LHX4: variants seen among roughly 807,000 people sequenced by gnomAD.
LHX4 encodes LIM homeobox 4, also known as LIM/homeobox protein Lhx4.
LHX4 carries 16 observed loss-of-function variants against 39.2 expected under a neutral mutation model. That is an observed-to-expected ratio of 0.41 (90% CI 0.28 to 0.62). The LOEUF (loss-of-function observed/expected upper bound fraction) is 0.62, where lower values mean the gene tolerates loss of function less well. Ranked by LOEUF, LHX4 falls within the 20% of genes least tolerant of loss-of-function variation. The probability of loss-of-function intolerance (pLI) is 0.33; values close to 1 mark genes in which losing one functional copy is unlikely to be tolerated. For synonymous variants in LHX4, 206 were observed against 198.1 expected (o/e 1.04, Z -0.33); for missense variants, 439 against 511.9 (o/e 0.86, Z 1.37).
Position 180,230,771 on chromosome 1 carries a change from C to T in LHX4, c.76+166C>T, listed in dbSNP as rs1037332041. On this transcript the variant is annotated intron_variant, in intron 1 of 5. Transcript: ENST00000263726. The surrounding 1 kb of genome is among the most constrained non-coding windows in gnomAD (Gnocchi z 5.8). The stretch of plus-strand genomic sequence containing the variant: ...CCAGCCAGAGTGCGTTTGAGGGGGC[C>T]AGGCTCTTGGCTGTTTGGGGCCGAA... 1.3e-5 allele frequency among the ~76,000 whole-genome samples: 2 copies of T among 152,174 alleles called. No individual in the cohort carries two copies. The highest frequency in any genetic ancestry group is 2.4e-5 in the African/African-American group (1 of 41,450).
chr1:180,242,946 T>C (rs1257685262), intron 1 of LHX4, among the ~76,000 whole-genome samples: 3 of 152,178 alleles, frequency 2.0e-5, no homozygotes, highest in African/African-American at 4.8e-5. Flanking sequence ...ACATTGAGCT[T>C]ATTGGGGATT....
chr1:180,247,849 A>C (rs1329549746), intron 1 of LHX4, among the ~76,000 whole-genome samples: 1 of 152,140 alleles, frequency 6.6e-6, no homozygotes, highest in East Asian at 1.9e-4. Context: ...AGGCCTGGGC[A>C]GGGCTCACTT....
intron 2 of LHX4, among the ~76,000 whole-genome samples, chr1:180,259,700 G>A (rs983850133): frequency 1.8e-4 from 27 of 151,820 alleles, no homozygotes; most frequent in East Asian, 5.8e-4. Context: ...TGGGGCAGGC[G>A]CAGGGCGGAG....
In LHX4 at chr1:180,258,829, T is replaced by C. The variant is rs373329928; in HGVS notation, c.249-7563T>C. 1.1e-3 allele frequency among the ~76,000 whole-genome samples: 161 copies of C among 151,170 alleles called. 1 individual carries two copies. The highest frequency in any genetic ancestry group is 7.0e-3 in the Middle Eastern group (2 of 284). On this transcript the variant is annotated intron_variant, in intron 2 of 5. Transcript: ENST00000263726. Reference sequence around the variant, plus strand: ...CAAATAATAATAGTAATAATAATGATAGTAATAATAATTATTATTATTCTG... The same window carrying C: ...CAAATAATAATAGTAATAATAATGACAGTAATAATAATTATTATTATTCTG...
upstream of LHX4, among the ~76,000 whole-genome samples, chr1:180,228,821 C>T (rs1191512379): frequency 2.6e-5 from 4 of 152,164 alleles, no homozygotes; most frequent in Non-Finnish European, 5.9e-5. Flanking sequence ...GAGATGACAC[C>T]AGGGGAAACA....
At chr1:180,245,998 G>A (rs1647367368) in intron 1 of LHX4, among the ~76,000 whole-genome samples, 1 of 151,652 alleles carries the variant, frequency 6.6e-6, no homozygotes, top group African/African-American at 2.4e-5. Context: ...GAGGAAAACT[G>A]TGGAGATAGA....
chr1:180,263,409 C>T (rs1648184294), intron 2 of LHX4, among the ~76,000 whole-genome samples: 1 of 152,152 alleles, frequency 6.6e-6, no homozygotes, highest in South Asian at 2.1e-4. Flanking sequence ...GCCCTGTATT[C>T]TAGATACACT....
At chr1:180,271,271 G>GC in intron 3 of LHX4, 109 bp from the exon 4 acceptor site, 1 of 1,268,888 alleles carries the variant, frequency 7.9e-7, no homozygotes, top group Non-Finnish European at 1.2e-6. Flanking sequence ...GCGCTGTCCT[G>GC]CCTACAGCAG....
chr1:180,247,254 C>T (rs1331539781), intron 1 of LHX4, among the ~76,000 whole-genome samples: 2 of 152,176 alleles, frequency 1.3e-5, no homozygotes, highest in Non-Finnish European at 2.9e-5. Flanking sequence ...GATAGGAAGT[C>T]ACCCAGGACA....
intron 2 of LHX4, among the ~76,000 whole-genome samples, chr1:180,260,608 C>T (rs1648074371): frequency 6.6e-6 from 1 of 151,926 alleles, no homozygotes; most frequent in South Asian, 2.1e-4. Context: ...CAGCTCTTCT[C>T]TGCCCACACC....
In LHX4 at chr1:180,230,518, T is replaced by C; in HGVS notation, c.-12T>C. 2 of 1,612,556 alleles carry C rather than the reference T, an allele frequency of 1.2e-6. No individual in the cohort carries two copies. The highest frequency in any genetic ancestry group is 1.1e-5 in the South Asian group (1 of 90,900). On this transcript the variant is annotated 5_prime_UTR_variant, in exon 1 of 6. Coordinates refer to ENST00000263726, the MANE Select transcript of LHX4 (RefSeq NM_033343.4). The surrounding 1 kb of genome is among the most constrained non-coding windows in gnomAD (Gnocchi z 5.8). ...TCTCCGTAGACTGCGACTCGCTGGC[T>C]TTCGCTCCGAGATGATGCAGAGTGC... is the stretch of plus-strand genomic sequence containing the variant.
intron 1 of LHX4, among the ~76,000 whole-genome samples, chr1:180,233,033 G>C (rs1342253094): frequency 6.6e-6 from 1 of 152,220 alleles, no homozygotes; most frequent in Admixed American, 6.5e-5. Flanking sequence ...TGGGGACGCA[G>C]GTCTAGGTGT....
chr1:180,271,744 G>C, intron 4 of LHX4, 91 bp from the exon 5 acceptor site: 3 of 1,468,648 alleles, frequency 2.0e-6, no homozygotes, highest in Non-Finnish European at 2.9e-6. Flanking sequence ...TCAGGCTTCA[G>C]TCTGCTTCCA....
intron 4 of LHX4, 59 bp downstream of exon 4, chr1:180,271,593 G>C: frequency 6.3e-7 from 1 of 1,596,672 alleles, no homozygotes. Flanking sequence ...AGGGGTGGAA[G>C]GTATCCTGAG....
At chr1:180,255,325 T>C (rs189217945) in intron 2 of LHX4, among the ~76,000 whole-genome samples, 163 of 152,272 alleles carry the variant, frequency 1.1e-3, no homozygotes, top group Middle Eastern at 6.8e-3. Context: ...TGATCGTGCG[T>C]ACACACACAC....
At chr1:180,229,119 C>T (rs1300743564), upstream of LHX4, among the ~76,000 whole-genome samples, 2 of 152,222 alleles carry the variant, frequency 1.3e-5, no homozygotes, top group African/African-American at 2.4e-5. Flanking sequence ...TTGTTTTAAG[C>T]GTTTCTCTAC....
At chr1:180,229,893 G>A (rs1472878626), upstream of LHX4, among the ~76,000 whole-genome samples, 4 of 148,666 alleles carry the variant, frequency 2.7e-5, no homozygotes, top group African/African-American at 1.0e-4. Context: ...TGCCGCGGCA[G>A]GCCATCAGCA....
chr1:180,264,732 C>T (rs1232252757), intron 2 of LHX4, among the ~76,000 whole-genome samples: 1 of 152,214 alleles, frequency 6.6e-6, no homozygotes, highest in Admixed American at 6.5e-5. Context: ...GTTTACAGGC[C>T]TATGCTGACC....
At chr1:180,247,991 T>G (rs755903497) in intron 1 of LHX4, among the ~76,000 whole-genome samples, 8 of 152,266 alleles carry the variant, frequency 5.3e-5, no homozygotes, top group Non-Finnish European at 1.2e-4. Flanking sequence ...TAGCTGCTGC[T>G]GCTAGCCTTG....
Sources: allele counts gnomAD v4.1 joint callset (sites outside exome capture counted in the v4.1 genomes callset), GRCh38; gene constraint gnomAD v4.1.1; non-coding constraint Gnocchi (gnomAD v3.1); transcripts MANE v1.5; gene names NCBI Gene and HGNC (gene_info 2026-07-23, HGNC 2026-07-21).